TCF12: variants seen among roughly 807,000 people sequenced by gnomAD.
The protein encoded by TCF12 is transcription factor 12.
Under a neutral mutation model 86.0 loss-of-function variants are expected in TCF12, and 45 were observed. The observed-to-expected ratio is 0.52, with a 90% CI of 0.41 to 0.67. The LOEUF (loss-of-function observed/expected upper bound fraction) is 0.67, where lower values mean the gene tolerates loss of function less well. TCF12 is among the 30% of genes least tolerant of loss of function. The pLI, the probability that TCF12 is intolerant of heterozygous loss-of-function variation, is 0.00. For synonymous variants in TCF12, 330 were observed against 299.6 expected (o/e 1.10, Z -1.05); for missense variants, 881 against 859.9 (o/e 1.02, Z -0.31).
At chr15:57,274,939 G>T (rs1340527243) in intron 19 of TCF12, among the ~76,000 whole-genome samples, 1 of 152,040 alleles carries the variant, frequency 6.6e-6, no homozygotes, top group East Asian at 1.9e-4. Flanking sequence ...TTCTGTGATG[G>T]AAAAACACAA....
intron 4 of TCF12, 41 bp from the exon 5 acceptor site, chr15:57,091,748 C>A: frequency 6.7e-7 from 1 of 1,499,496 alleles, no homozygotes; most frequent in Non-Finnish European, 9.3e-7. Context: ...GCGGGACTGC[C>A]AAATAATCTC....
chr15:56,981,979 G>A (rs1373459570), intron 3 of TCF12, among the ~76,000 whole-genome samples: 2 of 152,140 alleles, frequency 1.3e-5, no homozygotes, highest in African/African-American at 4.8e-5. Flanking sequence ...GGATAGGCAG[G>A]TACACTTGGT....
chr15:57,126,434 ATC>A (rs1344819009), intron 5 of TCF12, among the ~76,000 whole-genome samples: 9 of 152,118 alleles, frequency 5.9e-5, no homozygotes, highest in Non-Finnish European at 1.3e-4. Context: ...AGATTTCATA[ATC>A]TCTACTCTCC....
chr15:56,925,240 G>GCCCCCCCCCCCCC (rs11465192), intron 3 of TCF12, among the ~76,000 whole-genome samples: 4 of 136,256 alleles, frequency 2.9e-5, no homozygotes, highest in Non-Finnish European at 4.7e-5. Flanking sequence ...GGTGTCCACC[G>GCCCCCCCCCCCCC]CCCCCCCACC....
At chr15:57,104,444 T>TC (rs1567431188) in intron 5 of TCF12, among the ~76,000 whole-genome samples, 8 of 145,006 alleles carry the variant, frequency 5.5e-5, no homozygotes, top group Non-Finnish European at 1.2e-4. Flanking sequence ...TCTTTTTTTT[T>TC]TTTTTTTTTT....
intron 3 of TCF12, among the ~76,000 whole-genome samples, chr15:57,000,966 A>G (rs1397247168): frequency 1.3e-5 from 2 of 150,988 alleles, no homozygotes; most frequent in Admixed American, 1.3e-4. Flanking sequence ...CTTTTCTGTA[A>G]TTATTCTAGT....
Position 56,969,850 on chromosome 15 carries a change from C to T in TCF12, c.148+48752C>T, listed in dbSNP as rs568364969. On this transcript the variant is annotated intron_variant, in intron 3 of 20. Coordinates refer to ENST00000333725, the MANE Select transcript of TCF12 (RefSeq NM_207037.2). ...GAGTGTTGAGAGTATAGGATGAAGACGAGATCAGAAGACTGTGTATGCAGT... is the reference window on the plus strand; with the variant it reads ...GAGTGTTGAGAGTATAGGATGAAGATGAGATCAGAAGACTGTGTATGCAGT... Among the ~76,000 whole-genome samples, 17 of 152,146 alleles carry T rather than the reference C, an allele frequency of 1.1e-4. No individual in the cohort carries two copies. The East Asian group carries it at 2.7e-3, about 24-fold the overall frequency.
chr15:57,261,846 A>C (rs1327418462), intron 16 of TCF12, among the ~76,000 whole-genome samples: 1 of 152,168 alleles, frequency 6.6e-6, no homozygotes, highest in Admixed American at 6.5e-5. Flanking sequence ...TGGGATTTAA[A>C]ATTTACAAAT....
At chr15:57,027,562 A>G (rs1243490542) in intron 3 of TCF12, among the ~76,000 whole-genome samples, 8 of 151,818 alleles carry the variant, frequency 5.3e-5, no homozygotes, top group Non-Finnish European at 8.8e-5. Flanking sequence ...TTTTTCTTGG[A>G]TACATACTGA....
intron 5 of TCF12, among the ~76,000 whole-genome samples, chr15:57,126,127 G>C (rs2051632048): frequency 6.6e-6 from 1 of 152,168 alleles, no homozygotes; most frequent in African/African-American, 2.4e-5. Flanking sequence ...TGTAGTCCCA[G>C]CTACTTGGGA....
intron 5 of TCF12, among the ~76,000 whole-genome samples, chr15:57,130,475 C>A (rs1196109051): frequency 6.6e-6 from 1 of 152,086 alleles, no homozygotes; most frequent in African/African-American, 2.4e-5. Flanking sequence ...AAAAGAGAAA[C>A]CCCTACTCTT....
intron 3 of TCF12, among the ~76,000 whole-genome samples, chr15:56,948,600 C>T (rs8032643): frequency 0.029 from 4,433 of 152,144 alleles, 215 homozygotes; most frequent in African/African-American, 0.1. Flanking sequence ...AGTAAAGTTT[C>T]GAGTGAGTTG....
chr15:57,173,369 C>A (rs1489674354), intron 6 of TCF12, among the ~76,000 whole-genome samples: 2 of 151,928 alleles, frequency 1.3e-5, no homozygotes, highest in African/African-American at 4.8e-5. Context: ...ACAAAGTAAA[C>A]CCAAAATAAA....
chr15:57,070,033 T>A (rs2069231374), intron 4 of TCF12, among the ~76,000 whole-genome samples: 2 of 152,154 alleles, frequency 1.3e-5, no homozygotes, highest in Admixed American at 1.3e-4. Flanking sequence ...CTTTTTTCAT[T>A]GATTAAAAGG....
At chr15:57,259,833 G>C (rs1375144462) in intron 16 of TCF12, among the ~76,000 whole-genome samples, 2 of 152,316 alleles carry the variant, frequency 1.3e-5, no homozygotes, top group East Asian at 3.9e-4. Context: ...TGTGTAGACA[G>C]AGCCATTTGA....
chr15:56,938,564 A>G (rs2060585937), intron 3 of TCF12, among the ~76,000 whole-genome samples: 2 of 151,836 alleles, frequency 1.3e-5, no homozygotes, highest in Admixed American at 6.6e-5. Flanking sequence ...GTCTTATGGA[A>G]TAGTGTGAAT....
At chr15:57,182,130 C>T (rs760365953) in intron 6 of TCF12, among the ~76,000 whole-genome samples, 4 of 151,980 alleles carry the variant, frequency 2.6e-5, no homozygotes, top group Non-Finnish European at 5.9e-5. Context: ...TTCTTTTTGC[C>T]GGAGATACCT....
intron 6 of TCF12, among the ~76,000 whole-genome samples, chr15:57,177,637 A>AGAGAGAGAGAGT (rs1441034528): frequency 6.6e-6 from 1 of 151,622 alleles, no homozygotes; most frequent in South Asian, 2.1e-4. Flanking sequence ...AGAGAGAGAG[A>AGAGAGAGAGAGT]GTTGGATTAG....
At chr15:56,984,249 GGT>G (rs56221122) in intron 3 of TCF12, among the ~76,000 whole-genome samples, 17,844 of 122,920 alleles carry the variant, frequency 0.15, 1,439 homozygotes, top group African/African-American at 0.25. Context: ...GCATGTGCAT[GGT>G]GTGTGTGTGT....
Sources: gnomAD v4.1 joint callset for allele counts (sites outside exome capture counted in the v4.1 genomes callset) on GRCh38, gnomAD v4.1.1 for gene constraint, MANE v1.5 for transcripts, NCBI Gene and HGNC (gene_info 2026-07-23, HGNC 2026-07-21) for gene names.